CENPW: variants seen among roughly 807,000 people sequenced by gnomAD.
The protein encoded by CENPW is centromere protein W.
A neutral mutation model predicts 11.1 loss-of-function variants in CENPW; 3 were observed. The observed-to-expected ratio is 0.27, with a 90% CI of 0.12 to 0.70. The LOEUF (loss-of-function observed/expected upper bound fraction) is 0.70. CENPW is among the 30% of genes least tolerant of loss of function. CENPW has a pLI of 0.77. For missense variants in CENPW, 100 were observed against 105.6 expected (o/e 0.95, Z 0.23); for synonymous variants, 38 against 42.0 (o/e 0.91, Z 0.37).
chr6:126,382,790 G>C, the CENPW span, among the ~76,000 whole-genome samples: 2 of 152,110 alleles, frequency 1.3e-5, no homozygotes, highest in Admixed American at 6.6e-5. Context: ...ATCATGTAAA[G>C]AGACCAAGTC....
chr6:126,407,758 G>T, the CENPW span, among the ~76,000 whole-genome samples: 1 of 152,040 alleles, frequency 6.6e-6, no homozygotes, highest in African/African-American at 2.4e-5. Flanking sequence ...CACGTCCTTT[G>T]CCCACTTTTT....
chr6:126,361,599 T>C, the CENPW span, among the ~76,000 whole-genome samples: 1 of 152,108 alleles, frequency 6.6e-6, no homozygotes, highest in South Asian at 2.1e-4. Context: ...CCAGCCTCTT[T>C]TGTATTTCTA....
chr6:126,468,944 A>T, the CENPW span, among the ~76,000 whole-genome samples: 1 of 152,048 alleles, frequency 6.6e-6, no homozygotes, highest in Non-Finnish European at 1.5e-5. Flanking sequence ...CTGGGACCAC[A>T]GGCACACACC....
the CENPW span, among the ~76,000 whole-genome samples, chr6:126,459,489 A>T: frequency 2.0e-5 from 3 of 151,782 alleles, no homozygotes; most frequent in South Asian, 6.2e-4. Flanking sequence ...TATTTAAGGC[A>T]GAATGACAAT....
At chr6:126,450,216 A>G in the CENPW span, among the ~76,000 whole-genome samples, 1 of 151,132 alleles carries the variant, frequency 6.6e-6, no homozygotes, top group Non-Finnish European at 1.5e-5. Context: ...TATATCTTCT[A>G]TGTTGTAGTT....
the CENPW span, among the ~76,000 whole-genome samples, chr6:126,482,440 T>G: frequency 2.0e-5 from 3 of 151,990 alleles, no homozygotes; most frequent in Non-Finnish European, 4.4e-5. Flanking sequence ...GAGGCACCCA[T>G]CATGACAATA....
At chr6:126,421,897 A>G in the CENPW span, among the ~76,000 whole-genome samples, 1 of 152,148 alleles carries the variant, frequency 6.6e-6, no homozygotes, top group Non-Finnish European at 1.5e-5. Context: ...GGCTTTAATC[A>G]TCATGGTTAT....
the CENPW span, among the ~76,000 whole-genome samples, chr6:126,454,968 A>G: frequency 6.6e-6 from 1 of 151,566 alleles, no homozygotes; most frequent in African/African-American, 2.4e-5. Flanking sequence ...TTGAAAACCT[A>G]GAAGAAATGA....
chr6:126,422,131 T>C, the CENPW span, among the ~76,000 whole-genome samples: 3 of 152,148 alleles, frequency 2.0e-5, no homozygotes, highest in Non-Finnish European at 4.4e-5. Context: ...TGTGTACGTG[T>C]GTATGCAAAT....
chr6:126,473,349 C>T, the CENPW span, among the ~76,000 whole-genome samples: 1 of 152,062 alleles, frequency 6.6e-6, no homozygotes, highest in South Asian at 2.1e-4. Context: ...AACTTTCTTC[C>T]ATAGTGAATT....
At chr6:126,453,157 A>C in the CENPW span, among the ~76,000 whole-genome samples, 1 of 151,160 alleles carries the variant, frequency 6.6e-6, no homozygotes, top group African/African-American at 2.4e-5. Context: ...ATTCATAAAA[A>C]TTTCCCCAAC....
At chr6:126,401,896 CT>C in the CENPW span, among the ~76,000 whole-genome samples, 1 of 152,082 alleles carries the variant, frequency 6.6e-6, no homozygotes, top group Non-Finnish European at 1.5e-5. Flanking sequence ...CTGGTCCCCA[CT>C]TTACTCTTAG....
the CENPW span, among the ~76,000 whole-genome samples, chr6:126,469,900 T>A: frequency 1.3e-5 from 2 of 152,186 alleles, no homozygotes; most frequent in Non-Finnish European, 2.9e-5. Context: ...ACCTCACTGA[T>A]TCTGAAAGTG....
the CENPW span, among the ~76,000 whole-genome samples, chr6:126,423,565 C>T: frequency 4.6e-5 from 7 of 151,850 alleles, no homozygotes; most frequent in East Asian, 1.4e-3. Flanking sequence ...TTTACATAGA[C>T]AATGAACAAC....
At chr6:126,455,534 A>AC in the CENPW span, among the ~76,000 whole-genome samples, 1 of 151,502 alleles carries the variant, frequency 6.6e-6, no homozygotes, top group African/African-American at 2.4e-5. Flanking sequence ...TTATGTTAAA[A>AC]CCCCTAAACA....
At chr6:126,398,244 C>A in the CENPW span, among the ~76,000 whole-genome samples, 1 of 152,144 alleles carries the variant, frequency 6.6e-6, no homozygotes, top group Non-Finnish European at 1.5e-5. Context: ...TTGTCTATCC[C>A]ATTTAAATTT....
At chr6:126,414,011 A>T in the CENPW span, among the ~76,000 whole-genome samples, 17 of 152,158 alleles carry the variant, frequency 1.1e-4, no homozygotes, top group East Asian at 1.9e-4. Flanking sequence ...AGCAATCAAG[A>T]GTAGCTACTA....
the CENPW span, among the ~76,000 whole-genome samples, chr6:126,442,744 T>A: frequency 6.6e-6 from 1 of 151,134 alleles, no homozygotes; most frequent in Non-Finnish European, 1.5e-5. Context: ...CAAAAAGAGA[T>A]CATTTTAGGC....
the CENPW span, among the ~76,000 whole-genome samples, chr6:126,398,356 A>T: frequency 6.6e-6 from 1 of 152,148 alleles, no homozygotes; most frequent in South Asian, 2.1e-4. Context: ...TATGTGTTGA[A>T]ACACTATAAA....
Sources: gnomAD v4.1 joint callset for allele counts (sites outside exome capture counted in the v4.1 genomes callset) on GRCh38, gnomAD v4.1.1 for gene constraint, MANE v1.5 for transcripts, NCBI Gene and HGNC (gene_info 2026-07-23, HGNC 2026-07-21) for gene names.